The following GGNBP2 variants were observed in gnomAD, a reference collection of about 807,000 sequenced individuals.
GGNBP2 encodes gametogenetin binding protein 2, also known as gametogenetin-binding protein 2.
A neutral mutation model predicts 85.9 loss-of-function variants in GGNBP2; 10 were observed. The ratio of observed to expected loss-of-function variants is 0.12; its 90% CI spans 0.07 to 0.20. The LOEUF (loss-of-function observed/expected upper bound fraction) is 0.20, where lower values mean the gene tolerates loss of function less well. Among genes scored for constraint, GGNBP2 ranks in the 10% least tolerant of loss-of-function variants. The pLI is 1.00. For synonymous variants in GGNBP2, 287 were observed against 285.7 expected (o/e 1.00, Z -0.05); for missense variants, 595 against 857.8 (o/e 0.69, Z 3.83).
intron 5 of GGNBP2, among the ~76,000 whole-genome samples, 170 bp downstream of exon 5, chr17:36,561,041 A>G (rs953049323): frequency 3.3e-5 from 5 of 152,176 alleles, no homozygotes; most frequent in Admixed American, 2.0e-4. Context: ...TTTTGCCTTG[A>G]TATATATAAA....
intron 6 of GGNBP2, among the ~76,000 whole-genome samples, chr17:36,575,648 A>ATATATTT (rs374366757): frequency 3.4e-3 from 184 of 54,880 alleles, no homozygotes; most frequent in African/African-American, 7.1e-3. Flanking sequence ...ATATATATAT[A>ATATATTT]TTTTTTTTTT....
At chr17:36,560,969 A>G (rs1348647862) in intron 5 of GGNBP2, 98 bp downstream of exon 5, 23 of 667,676 alleles carry the variant, frequency 3.4e-5, no homozygotes, top group Non-Finnish European at 4.6e-5. Flanking sequence ...GCTTTAATTC[A>G]TTAATTGGTT....
At chr17:36,567,592 CTGTTTT>C in intron 5 of GGNBP2, 65 bp from the exon 6 acceptor site, 1 of 736,034 alleles carries the variant, frequency 1.4e-6, no homozygotes. Flanking sequence ...ATACTTTAAT[CTGTTTT>C]TTGTTTTTTT....
intron 6 of GGNBP2, among the ~76,000 whole-genome samples, chr17:36,569,346 AG>A (rs1567825972): frequency 2.6e-5 from 4 of 152,160 alleles, no homozygotes. Context: ...CAGGAGGTAG[AG>A]GTTGCAGTGA....
intron 2 of GGNBP2, chr17:36,547,740 T>C (rs1599491645): frequency 6.6e-6 from 1 of 152,370 alleles, no homozygotes; most frequent in Non-Finnish European, 1.5e-5. Flanking sequence ...AAACTTAAGC[T>C]CACTTAATTT....
At chr17:36,568,190 C>T (rs2074487270) in intron 6 of GGNBP2, among the ~76,000 whole-genome samples, 1 of 152,164 alleles carries the variant, frequency 6.6e-6, no homozygotes, top group Admixed American at 6.5e-5. Flanking sequence ...TCCCAAAGTG[C>T]TAGGATTACA....
At chr17:36,556,926 A>C (rs1208141237) in intron 3 of GGNBP2, among the ~76,000 whole-genome samples, 157 bp from the exon 4 acceptor site, 1 of 152,100 alleles carries the variant, frequency 6.6e-6, no homozygotes, top group Admixed American at 6.6e-5. Context: ...AGCATGGACA[A>C]AGCTGACTAC....
intron 9 of GGNBP2, among the ~76,000 whole-genome samples, chr17:36,584,284 C>T (rs935486879): frequency 1.4e-4 from 21 of 152,132 alleles, no homozygotes; most frequent in African/African-American, 4.3e-4. Flanking sequence ...GGCACAAGTA[C>T]GTTTCCTTGA....
Position 36,557,332 on chromosome 17 carries a change from C to T in GGNBP2, c.424C>T (p.His142Tyr), listed in dbSNP as rs752853258. The change falls in exon 4 of 14, where the codon CAT becomes TAT. Residue 142 changes from histidine to tyrosine, a missense_variant. His to Tyr is a moderately conservative substitution (Grantham distance 83, BLOSUM62 2). Around this residue, in one of 9 missense-constraint regions of GGNBP2, gnomAD observed 216 missense variants for 293.4 expected, o/e 0.74. Coordinates refer to ENST00000613102, the MANE Select transcript of GGNBP2 (RefSeq NM_024835.5). ...GAAGCTTTATACATTATTTTATGTA[C>T]ATGGGTAAGTATAATCAATTAGGAG... ...AKKLYTLFYV[H>Y]GSKLNDMIDA... 1 of 1,612,208 alleles carries T rather than the reference C, an allele frequency of 6.2e-7. No homozygotes were observed. The highest frequency in any genetic ancestry group is 2.2e-5 in the East Asian group (1 of 44,858).
intron 6 of GGNBP2, among the ~76,000 whole-genome samples, chr17:36,568,139 T>C (rs1246707998): frequency 2.6e-5 from 4 of 152,086 alleles, no homozygotes; most frequent in Admixed American, 6.6e-5. Context: ...TTGGCCAGGA[T>C]GGTTTAGATC....
rs752517566 is a variant in GGNBP2, at chr17:36,589,619, T to C, written c.*208T>C. ...GTTGCGTGGCTGCGCAGGCCTGCCA[T>C]ATGATTTAAGCCATCTCTTTTCATT... is the stretch of plus-strand genomic sequence containing the variant. On this transcript the variant is annotated 3_prime_UTR_variant, in exon 14 of 14. Transcript: ENST00000613102. The C allele has an allele frequency of 3.5e-6, 2 of 577,128 alleles. No homozygotes were observed. Among genetic ancestry groups the C allele is most frequent in the Non-Finnish European group, 3.1e-6 (1 of 327,014 alleles). 35.8% of individuals were successfully genotyped at this position (577,128 alleles called of 1,614,324 possible).
At chr17:36,581,654 A>C in intron 9 of GGNBP2, 116 bp downstream of exon 9, 1 of 635,696 alleles carries the variant, frequency 1.6e-6, no homozygotes, top group South Asian at 2.5e-5. Context: ...CCCAGGGTGG[A>C]GGTATCACTT....
At chr17:36,575,059 A>C in intron 6 of GGNBP2, 2 of 1,145,914 alleles carry the variant, frequency 1.7e-6, no homozygotes, top group Non-Finnish European at 2.5e-6. Context: ...GGAAAAAGTT[A>C]GTGATCTCAG....
intron 3 of GGNBP2, 93 bp downstream of exon 3, chr17:36,554,993 C>G: frequency 5.3e-6 from 4 of 758,978 alleles, no homozygotes; most frequent in Admixed American, 4.3e-5. Flanking sequence ...ATAGGATTCT[C>G]TAGGTCTTAA....
At chr17:36,570,497 C>G (rs981053155) in intron 6 of GGNBP2, among the ~76,000 whole-genome samples, 2 of 151,678 alleles carry the variant, frequency 1.3e-5, no homozygotes, top group African/African-American at 2.4e-5. Flanking sequence ...GTCAGAAGTT[C>G]AAGACCAGCC....
chr17:36,584,955 A>G (rs935728035), intron 9 of GGNBP2, among the ~76,000 whole-genome samples: 1 of 149,544 alleles, frequency 6.7e-6, no homozygotes, highest in Admixed American at 6.7e-5. Context: ...CCGTACTCAA[A>G]AAAAAAAAAA....
chr17:36,564,727 T>C (rs1421134501), intron 5 of GGNBP2, among the ~76,000 whole-genome samples: 1 of 152,182 alleles, frequency 6.6e-6, no homozygotes, highest in African/African-American at 2.4e-5. Context: ...GATTCTCCAT[T>C]TTATGTATTT....
At position 36,575,653 on chromosome 17, in the gene GGNBP2, T is replaced by A. The variant is rs1362809169; in HGVS notation, c.642-2330T>A. ...ATATATATATATATATATATATTTT[T>A]TTTTTTTTTTGAGATGGAGTTTCGC... On this transcript the variant is annotated intron_variant, in intron 6 of 13. Transcript: ENST00000613102. Among the ~76,000 whole-genome samples the A allele has an allele frequency of 8.7e-5, 11 of 125,974 alleles. No individual in the cohort carries two copies. In the East Asian group the frequency reaches 1.2e-3, roughly 13 times the overall value. 82.6% of individuals were successfully genotyped at this position (125,974 alleles called of 152,430 possible). A position where few individuals can be genotyped will look rare whatever the true frequency, so the allele number is the denominator to read the frequency against.
At chr17:36,547,618 A>G (rs1260044106) in intron 2 of GGNBP2, 1 of 152,250 alleles carries the variant, frequency 6.6e-6, no homozygotes, top group Non-Finnish European at 1.5e-5. Context: ...AAAATTTTCC[A>G]CTGAAAAAGA....
Sources: gnomAD v4.1 joint callset for allele counts (sites outside exome capture counted in the v4.1 genomes callset) on GRCh38, gnomAD v4.1.1 for gene constraint, gnomAD v4.1.1 regional missense constraint, MANE v1.5 for transcripts, NCBI Gene and HGNC (gene_info 2026-07-23, HGNC 2026-07-21) for gene names.